DDX10: variants seen among roughly 807,000 people sequenced by gnomAD.
DDX10 encodes DEAD-box helicase 10.
In DDX10, 74 loss-of-function variants were observed where a neutral mutation model predicts 104.3. The ratio of observed to expected loss-of-function variants is 0.71; its 90% CI spans 0.59 to 0.86. DDX10 has a LOEUF of 0.86. Ranked by LOEUF, DDX10 falls within the 40% of genes least tolerant of loss-of-function variation. DDX10 has a pLI of 0.00. For synonymous variants in DDX10, 351 were observed against 353.4 expected, an observed-to-expected ratio of 0.99 and a Z score of 0.08; for missense variants, 952 against 1,040.0, an observed-to-expected ratio of 0.92 and a Z score of 1.16.
chr11:108,755,485 T>G (rs1330313976), intron 13 of DDX10, among the ~76,000 whole-genome samples: 2 of 152,052 alleles, frequency 1.3e-5, no homozygotes, highest in Non-Finnish European at 2.9e-5. Flanking sequence ...TTAGGGTTGC[T>G]TTCAGGCTAC....
At chr11:108,757,878 T>C (rs748365056) in intron 13 of DDX10, among the ~76,000 whole-genome samples, 3 of 152,106 alleles carry the variant, frequency 2.0e-5, no homozygotes, top group Non-Finnish European at 4.4e-5. Flanking sequence ...TTTTCCTTTT[T>C]TGTTTTGGTT....
chr11:108,720,686 G>T (rs1445007478), intron 12 of DDX10, among the ~76,000 whole-genome samples: 1 of 152,062 alleles, frequency 6.6e-6, no homozygotes, highest in East Asian at 1.9e-4. Flanking sequence ...GACCTCCCAG[G>T]CTTAGGTGAT....
intron 13 of DDX10, among the ~76,000 whole-genome samples, chr11:108,810,537 A>C (rs551113048): frequency 6.6e-6 from 1 of 152,100 alleles, no homozygotes; most frequent in Non-Finnish European, 1.5e-5. Flanking sequence ...AAGTAGTGAC[A>C]GTGTTGAGAG....
chr11:108,743,395 C>G (rs2094327658), intron 13 of DDX10, among the ~76,000 whole-genome samples: 1 of 152,096 alleles, frequency 6.6e-6, no homozygotes, highest in South Asian at 2.1e-4. Flanking sequence ...TAAGAGCAAG[C>G]TATGAAAAAC....
intron 16 of DDX10, among the ~76,000 whole-genome samples, chr11:108,894,397 G>T (rs1321339610): frequency 6.6e-6 from 1 of 151,988 alleles, no homozygotes; most frequent in Non-Finnish European, 1.5e-5. Context: ...AATATTAAAA[G>T]ATGTGTTTAT....
rs527312384 is a variant in DDX10, at chr11:108,907,243, C to A, written c.2305-10630C>A. 3.9e-5 allele frequency among the ~76,000 whole-genome samples: 6 copies of A among 152,074 alleles called. No homozygotes were observed. In the South Asian group the frequency reaches 1.2e-3, roughly 32 times the overall value. On this transcript the variant is annotated intron_variant, in intron 16 of 17. Transcript: ENST00000322536. Reference sequence around the variant, plus strand: ...TGTAAGTGCTACTTTATTGACAGGACCAATTCTGTACTGAGGTGGCGTTTG... The same window carrying A: ...TGTAAGTGCTACTTTATTGACAGGAACAATTCTGTACTGAGGTGGCGTTTG...
intron 13 of DDX10, among the ~76,000 whole-genome samples, chr11:108,760,680 T>G (rs1431298685): frequency 1.3e-5 from 2 of 151,874 alleles, no homozygotes; most frequent in East Asian, 1.9e-4. Context: ...ACACTGTTTT[T>G]TTTTTTTTTT....
chr11:108,780,091 A>G (rs2094376166), intron 13 of DDX10, among the ~76,000 whole-genome samples: 1 of 152,234 alleles, frequency 6.6e-6, no homozygotes, highest in African/African-American at 2.4e-5. Flanking sequence ...GCATTGGCAA[A>G]GAGATGGACA....
chr11:108,916,339 C>G (rs1019912077), intron 16 of DDX10, among the ~76,000 whole-genome samples: 4 of 152,160 alleles, frequency 2.6e-5, no homozygotes, highest in African/African-American at 9.7e-5. Flanking sequence ...ATAAAATAAG[C>G]TGTCAAGTGT....
At chr11:108,683,077 T>G (rs1160171528) in intron 6 of DDX10, among the ~76,000 whole-genome samples, 1 of 152,216 alleles carries the variant, frequency 6.6e-6, no homozygotes, top group East Asian at 1.9e-4. Flanking sequence ...TGGTTTGTCC[T>G]GAGACTTGGG....
chr11:108,909,481 T>C (rs3109936), intron 16 of DDX10, among the ~76,000 whole-genome samples: 130 of 118,762 alleles, frequency 1.1e-3, no homozygotes, highest in Middle Eastern at 4.9e-3. Context: ...TCCTGTGCCC[T>C]ACTCCCGCCC....
At chr11:108,785,610 G>A (rs1191204058) in intron 13 of DDX10, among the ~76,000 whole-genome samples, 1 of 152,084 alleles carries the variant, frequency 6.6e-6, no homozygotes, top group African/African-American at 2.4e-5. Context: ...TTTAATCAGT[G>A]ATTCAATTTC....
At chr11:108,747,098 G>C (rs2094332748) in intron 13 of DDX10, among the ~76,000 whole-genome samples, 2 of 152,062 alleles carry the variant, frequency 1.3e-5, no homozygotes, top group Non-Finnish European at 2.9e-5. Flanking sequence ...AAAGGGGTCT[G>C]AACATATATA....
At chr11:108,887,582 TAAA>T (rs34226825) in intron 16 of DDX10, among the ~76,000 whole-genome samples, 2 of 140,908 alleles carry the variant, frequency 1.4e-5, no homozygotes, top group Non-Finnish European at 3.1e-5. Context: ...ATAGTCTGCT[TAAA>T]AAAAAAAAAA....
chr11:108,770,229 T>G (rs954856931), intron 13 of DDX10, among the ~76,000 whole-genome samples: 5 of 152,196 alleles, frequency 3.3e-5, no homozygotes, highest in Admixed American at 2.0e-4. Flanking sequence ...TAATGTGAAT[T>G]TAACACATTA....
intron 6 of DDX10, among the ~76,000 whole-genome samples, chr11:108,683,165 G>C (rs2094237945): frequency 6.6e-6 from 1 of 152,158 alleles, no homozygotes. Flanking sequence ...GGGCCCCTCT[G>C]TCTTGGCAAG....
At chr11:108,900,096 G>A (rs907612180) in intron 16 of DDX10, among the ~76,000 whole-genome samples, 14 of 150,858 alleles carry the variant, frequency 9.3e-5, no homozygotes, top group Non-Finnish European at 1.0e-4. Context: ...TGGACAGCAA[G>A]AGCAAAACTC....
chr11:108,871,648 G>A (rs1281174002), intron 16 of DDX10, among the ~76,000 whole-genome samples: 1 of 152,128 alleles, frequency 6.6e-6, no homozygotes, highest in Non-Finnish European at 1.5e-5. Context: ...TGAGCTTTGG[G>A]CTGGGCGCGT....
rs12293384 is a variant in DDX10 at position 108,699,682 on chromosome 11, C to T, written c.1223+6082C>T. Among the ~76,000 whole-genome samples, 1,036 of 152,308 alleles carry T rather than the reference C, an allele frequency of 6.8e-3. 9 individuals carry two copies. Among genetic ancestry groups the T allele is most frequent in the African/African-American group, 0.023 (967 of 41,580 alleles). Reference sequence around the variant, plus strand: ...CTGGGGTTGCATGTCAGTTCTGTTCCTTGTAGGGGGACTACACAAGGGTGT... The same window carrying T: ...CTGGGGTTGCATGTCAGTTCTGTTCTTTGTAGGGGGACTACACAAGGGTGT... On this transcript the variant is annotated intron_variant, in intron 9 of 17. Transcript: ENST00000322536.
Sources: allele counts gnomAD v4.1 joint callset (sites outside exome capture counted in the v4.1 genomes callset), GRCh38; gene constraint gnomAD v4.1.1; transcripts MANE v1.5; gene names NCBI Gene and HGNC (gene_info 2026-07-23, HGNC 2026-07-21).